Variants in EXOC4 observed in about 807,000 individuals in gnomAD.
EXOC4 encodes exocyst complex component 4, also known as SEC8-like 1.
In EXOC4, 71 loss-of-function variants were observed where a neutral mutation model predicts 107.2. The observed-to-expected ratio is 0.66, with a 90% CI of 0.55 to 0.81. EXOC4 has a LOEUF of 0.81. Among genes scored for constraint, EXOC4 ranks in the 30% least tolerant of loss-of-function variants. The pLI is 0.00. For synonymous variants in EXOC4, 456 were observed against 441.2 expected, an observed-to-expected ratio of 1.03 and a Z score of -0.42; for missense variants, 1,108 against 1,189.6, an observed-to-expected ratio of 0.93 and a Z score of 1.01.
intron 7 of EXOC4, among the ~76,000 whole-genome samples, chr7:133,452,983 C>G (rs1234319574): frequency 7.3e-6 from 1 of 137,218 alleles, no homozygotes; most frequent in Non-Finnish European, 1.6e-5. Flanking sequence ...TTTGTCCTCC[C>G]TCTGCCAGTC....
At chr7:134,021,780 C>T (rs1795036517) in intron 17 of EXOC4, among the ~76,000 whole-genome samples, 1 of 147,366 alleles carries the variant, frequency 6.8e-6, no homozygotes, top group South Asian at 2.2e-4. Context: ...TGATTGACTT[C>T]TTTCTCTTGA....
At chr7:133,987,989 T>A (rs1156457957) in intron 14 of EXOC4, among the ~76,000 whole-genome samples, 1 of 152,218 alleles carries the variant, frequency 6.6e-6, no homozygotes, top group African/African-American at 2.4e-5. Flanking sequence ...TATTAGGATG[T>A]GGAACCACTT....
intron 10 of EXOC4, among the ~76,000 whole-genome samples, chr7:133,675,233 C>T (rs867512986): frequency 2.0e-5 from 3 of 151,996 alleles, no homozygotes; most frequent in South Asian, 2.1e-4. Flanking sequence ...GTTTTCAAGG[C>T]GACCCCAGCT....
At chr7:133,373,093 C>T (rs1189044127) in intron 6 of EXOC4, among the ~76,000 whole-genome samples, 1 of 152,166 alleles carries the variant, frequency 6.6e-6, no homozygotes, top group African/African-American at 2.4e-5. Context: ...GGAGAACCTT[C>T]ACTTAATCAG....
At chr7:133,288,759 C>A (rs1172776875) in intron 2 of EXOC4, among the ~76,000 whole-genome samples, 163 bp from the exon 3 acceptor site, 1 of 152,016 alleles carries the variant, frequency 6.6e-6, no homozygotes, top group Non-Finnish European at 1.5e-5. Context: ...GAGTCTATGT[C>A]AGAACCAGGA....
intron 10 of EXOC4, among the ~76,000 whole-genome samples, chr7:133,679,607 C>T (rs1794144256): frequency 6.7e-6 from 1 of 150,348 alleles, no homozygotes; most frequent in African/African-American, 2.5e-5. Flanking sequence ...TCTATCATGC[C>T]TCATAGCTGG....
intron 11 of EXOC4, among the ~76,000 whole-genome samples, chr7:133,828,624 G>A (rs961922246): frequency 2.6e-5 from 4 of 152,148 alleles, no homozygotes; most frequent in Non-Finnish European, 5.9e-5. Context: ...GCTTTTCAAG[G>A]ATCCTGCCCT....
chr7:133,403,353 T>A (rs1797137405), intron 7 of EXOC4, among the ~76,000 whole-genome samples: 1 of 152,218 alleles, frequency 6.6e-6, no homozygotes, highest in Non-Finnish European at 1.5e-5. Context: ...CTCCTGTCTT[T>A]TCAGTATCCC....
chr7:133,991,996 C>G (rs1192205662), intron 14 of EXOC4, among the ~76,000 whole-genome samples: 1 of 152,036 alleles, frequency 6.6e-6, no homozygotes, highest in East Asian at 1.9e-4. Flanking sequence ...TGAAGAATGT[C>G]ATTGGTATTT....
rs996701799 is a variant in EXOC4 at position 134,065,169 on chromosome 7, AG to A, written c.*643del. On this transcript the variant is annotated 3_prime_UTR_variant, in exon 18 of 18. Transcript: ENST00000253861. ...GTTTTGTATGCTGTATCTTGTACAC[AG>A]GTTGTAGGTTGGTTTATTGCCATTT... The A allele has an allele frequency of 2.6e-5, 4 of 152,534 alleles. No homozygotes were observed. The highest frequency in any genetic ancestry group is 9.7e-5 in the African/African-American group (4 of 41,434). 9.4% of individuals were successfully genotyped at this position (152,534 alleles called of 1,614,324 possible).
At chr7:133,765,198 C>G (rs1382730979) in intron 10 of EXOC4, among the ~76,000 whole-genome samples, 2 of 151,996 alleles carry the variant, frequency 1.3e-5, no homozygotes, top group African/African-American at 4.8e-5. Context: ...AGGGTTTACA[C>G]TTTCATTGAA....
chr7:133,829,078 C>T (rs1019297822), intron 11 of EXOC4, among the ~76,000 whole-genome samples: 2 of 151,926 alleles, frequency 1.3e-5, no homozygotes, highest in African/African-American at 2.4e-5. Flanking sequence ...TGTGTAGAAA[C>T]GAAGAAGGCA....
intron 9 of EXOC4, among the ~76,000 whole-genome samples, chr7:133,620,373 TAGGGTCCAGCCTCTTTG>T (rs1350478641): frequency 6.6e-6 from 1 of 152,138 alleles, no homozygotes; most frequent in Admixed American, 6.6e-5. Flanking sequence ...AACCTAGCAT[TAGGGTCCAGCCTCTTTG>T]AAAAGCAATC....
chr7:134,047,874 T>C (rs1465947791), intron 17 of EXOC4, among the ~76,000 whole-genome samples: 1 of 152,204 alleles, frequency 6.6e-6, no homozygotes, highest in Non-Finnish European at 1.5e-5. Flanking sequence ...ATAAAGACCA[T>C]GGCCTTGCGG....
chr7:133,749,722 A>G (rs974890576), intron 10 of EXOC4, among the ~76,000 whole-genome samples: 22 of 152,160 alleles, frequency 1.4e-4, no homozygotes, highest in African/African-American at 5.3e-4. Flanking sequence ...TCTATGTCAT[A>G]AGTAAACCTA....
intron 11 of EXOC4, among the ~76,000 whole-genome samples, chr7:133,887,333 T>C (rs1799108192): frequency 1.3e-5 from 2 of 152,238 alleles, no homozygotes; most frequent in South Asian, 4.1e-4. Flanking sequence ...TAATCTAGTT[T>C]CTTTTATTAA....
intron 9 of EXOC4, among the ~76,000 whole-genome samples, chr7:133,491,684 G>A (rs1799374341): frequency 6.6e-6 from 1 of 152,198 alleles, no homozygotes; most frequent in African/African-American, 2.4e-5. Context: ...GGTTCTAGAT[G>A]CTGTAGAAGA....
the EXOC4 span, among the ~76,000 whole-genome samples, chr7:134,081,326 G>T: frequency 2.0e-5 from 3 of 152,058 alleles, no homozygotes; most frequent in African/African-American, 7.2e-5. Flanking sequence ...CTGGGTGACA[G>T]GTGACAGAGC....
At chr7:133,371,089 A>G (rs1167974553) in intron 6 of EXOC4, among the ~76,000 whole-genome samples, 2 of 152,164 alleles carry the variant, frequency 1.3e-5, no homozygotes, top group East Asian at 3.9e-4. Flanking sequence ...TGGTAGTAAG[A>G]ATGTAAAGGA....
Sources: gnomAD v4.1 joint callset for allele counts (sites outside exome capture counted in the v4.1 genomes callset) on GRCh38, gnomAD v4.1.1 for gene constraint, MANE v1.5 for transcripts, NCBI Gene and HGNC (gene_info 2026-07-23, HGNC 2026-07-21) for gene names.